The following SLC44A1 variants were observed in gnomAD, a reference collection of about 807,000 sequenced individuals.
The protein encoded by SLC44A1 is solute carrier family 44 member 1, also known as choline transporter-like protein 1.
In SLC44A1, 26 loss-of-function variants were observed where a neutral mutation model predicts 79.3. The observed-to-expected ratio is 0.33, with a 90% CI of 0.24 to 0.46. The LOEUF (loss-of-function observed/expected upper bound fraction) is 0.46. Among genes scored for constraint, SLC44A1 ranks in the 20% least tolerant of loss-of-function variants. The pLI is 1.00. For missense variants in SLC44A1, 688 were observed against 798.1 expected, an observed-to-expected ratio of 0.86 and a Z score of 1.66; for synonymous variants, 263 against 286.2, an observed-to-expected ratio of 0.92 and a Z score of 0.82.
intron 3 of SLC44A1, among the ~76,000 whole-genome samples, chr9:105,333,484 T>C (rs1482804349): frequency 6.6e-6 from 1 of 152,184 alleles, no homozygotes; most frequent in Non-Finnish European, 1.5e-5. Flanking sequence ...TCAATAAAAT[T>C]GGCTATCATT....
chr9:105,351,674 G>GAAAGAAAGAAAGAAAGA (rs1359633907), intron 5 of SLC44A1, among the ~76,000 whole-genome samples: 2 of 148,550 alleles, frequency 1.3e-5, no homozygotes, highest in Non-Finnish European at 3.0e-5. Flanking sequence ...AAGAAAGAAA[G>GAAAGAAAGAAAGAAAGA]AACCAAGAAA....
chr9:105,387,120 A>G (rs2131474454), intron 15 of SLC44A1, among the ~76,000 whole-genome samples: 1 of 143,390 alleles, frequency 7.0e-6, no homozygotes, highest in Admixed American at 7.3e-5. Context: ...AAATAGGTTT[A>G]TTTTTGGAGG....
chr9:105,325,892 G>A (rs913672932), intron 3 of SLC44A1, among the ~76,000 whole-genome samples: 10 of 152,166 alleles, frequency 6.6e-5, no homozygotes, highest in South Asian at 2.1e-4. Context: ...GTTTACACAG[G>A]TGAATTTTAT....
At chr9:105,286,630 C>T (rs763250145) in intron 1 of SLC44A1, among the ~76,000 whole-genome samples, 1 of 152,130 alleles carries the variant, frequency 6.6e-6, no homozygotes, top group Non-Finnish European at 1.5e-5. Context: ...CCTATAATTT[C>T]GCCAACCCTC....
At chr9:105,307,200 T>C (rs1481860906) in intron 2 of SLC44A1, among the ~76,000 whole-genome samples, 1 of 152,214 alleles carries the variant, frequency 6.6e-6, no homozygotes, top group African/African-American at 2.4e-5. Context: ...ATGGTATTAC[T>C]CTGTATTAGA....
At position 105,309,720 on chromosome 9, in the gene SLC44A1, C is replaced by G; in HGVS notation, c.127-4C>G. On this transcript the variant is annotated splice_polypyrimidine_tract_variant and splice_region_variant and intron_variant, in intron 2 of 15. Transcript: ENST00000374720. The stretch of plus-strand genomic sequence containing the variant: ...TTGTATGTTTTTTTCTGTTTCTTTC[C>G]TAGGGATTTATTTGTGGCTTTTCAA... The G allele has an allele frequency of 8.1e-6, 13 of 1,612,984 alleles. No individual in the cohort carries two copies. Among genetic ancestry groups the G allele is most frequent in the Non-Finnish European group, 1.0e-5 (12 of 1,179,308 alleles).
At chr9:105,337,375 A>G (rs1285495247) in intron 4 of SLC44A1, among the ~76,000 whole-genome samples, 1 of 152,152 alleles carries the variant, frequency 6.6e-6, no homozygotes, top group Non-Finnish European at 1.5e-5. Flanking sequence ...ACTTCATAGG[A>G]TGGTTATGAG....
chr9:105,273,871 C>G (rs1830135390), intron 1 of SLC44A1, among the ~76,000 whole-genome samples: 1 of 152,052 alleles, frequency 6.6e-6, no homozygotes, highest in South Asian at 2.1e-4. Context: ...CTGTGATGCT[C>G]TTTAGAGATC....
chr9:105,279,711 A>G (rs776205719), intron 1 of SLC44A1, among the ~76,000 whole-genome samples: 3 of 152,218 alleles, frequency 2.0e-5, no homozygotes, highest in Non-Finnish European at 2.9e-5. Context: ...AGTTTACATC[A>G]GGAATATATA....
intron 3 of SLC44A1, among the ~76,000 whole-genome samples, chr9:105,310,323 T>TA (rs1263566715): frequency 6.6e-6 from 1 of 152,172 alleles, no homozygotes; most frequent in African/African-American, 2.4e-5. Context: ...TCCAACTTTA[T>TA]AAAAGATACA....
chr9:105,421,582 C>CTTTT (rs1056443918), intron 15 of SLC44A1, among the ~76,000 whole-genome samples: 2 of 130,192 alleles, frequency 1.5e-5, no homozygotes, highest in Admixed American at 7.9e-5. Context: ...TCAGAAATCT[C>CTTTT]TTTTTTTTTT....
chr9:105,387,814 A>T (rs1828670346), intron 15 of SLC44A1, among the ~76,000 whole-genome samples: 1 of 152,184 alleles, frequency 6.6e-6, no homozygotes, highest in African/African-American at 2.4e-5. Flanking sequence ...ATGCAAGTAT[A>T]CTTTCCTTAC....
chr9:105,383,923 A>G (rs1043146869), intron 14 of SLC44A1, among the ~76,000 whole-genome samples: 3 of 152,212 alleles, frequency 2.0e-5, no homozygotes, highest in Non-Finnish European at 2.9e-5. Flanking sequence ...CAGATTTTTC[A>G]TATTAGAACC....
intron 15 of SLC44A1, among the ~76,000 whole-genome samples, chr9:105,415,586 C>G (rs935398727): frequency 3.9e-5 from 6 of 152,214 alleles, no homozygotes; most frequent in African/African-American, 1.4e-4. Context: ...TCTAGCGACA[C>G]CTGCTGGTTG....
chr9:105,355,145 G>A (rs931656248), intron 5 of SLC44A1, among the ~76,000 whole-genome samples: 6 of 152,242 alleles, frequency 3.9e-5, no homozygotes, highest in Non-Finnish European at 7.3e-5. Context: ...ATATAAGTGT[G>A]TATTTATGCA....
chr9:105,399,721 T>C (rs948563917), downstream of SLC44A1, among the ~76,000 whole-genome samples: 1 of 82,772 alleles, frequency 1.2e-5, no homozygotes, highest in African/African-American at 4.9e-5. Context: ...TAATATTTAA[T>C]ACATTGGATT....
At chr9:105,307,143 G>A (rs943459069) in intron 2 of SLC44A1, among the ~76,000 whole-genome samples, 2 of 152,098 alleles carry the variant, frequency 1.3e-5, no homozygotes, top group Non-Finnish European at 2.9e-5. Flanking sequence ...GCTAGGGATC[G>A]GATATGCATT....
At chr9:105,367,655 C>G (rs570115624) in intron 12 of SLC44A1, among the ~76,000 whole-genome samples, 1 of 152,098 alleles carries the variant, frequency 6.6e-6, no homozygotes, top group Non-Finnish European at 1.5e-5. Context: ...GCCGTACCCC[C>G]AGGCACCTTT....
At position 105,260,137 on chromosome 9, in the gene SLC44A1, C is replaced by T. The variant is rs115581649; in HGVS notation, c.36+15233C>T. Reference sequence around the variant, plus strand: ...AGCACCAGGGCTACAAGGTGTTCTGCCAAAAAAAGGGTTCTGAGGTCAGAA... The same window carrying T: ...AGCACCAGGGCTACAAGGTGTTCTGTCAAAAAAAGGGTTCTGAGGTCAGAA... On this transcript the variant is annotated intron_variant, in intron 1 of 15. Coordinates refer to ENST00000374720, the MANE Select transcript of SLC44A1 (RefSeq NM_080546.5). Among the ~76,000 whole-genome samples, 275 of 152,084 alleles carry T rather than the reference C, an allele frequency of 1.8e-3. 1 individual carries two copies. Among genetic ancestry groups the T allele is most frequent in the African/African-American group, 6.2e-3 (259 of 41,494 alleles).
Sources: gnomAD v4.1 joint callset for allele counts (sites outside exome capture counted in the v4.1 genomes callset) on GRCh38, gnomAD v4.1.1 for gene constraint, MANE v1.5 for transcripts, NCBI Gene and HGNC (gene_info 2026-07-23, HGNC 2026-07-21) for gene names.